Variants in CDH12 observed in about 807,000 individuals in gnomAD.
CDH12 encodes the protein cadherin-12.
Under a neutral mutation model 74.1 loss-of-function variants are expected in CDH12, and 41 were observed. The observed-to-expected ratio is 0.55, with a 90% confidence interval of 0.43 to 0.72. The LOEUF (loss-of-function observed/expected upper bound fraction) is 0.72. Ranked by LOEUF, CDH12 falls within the 30% of genes least tolerant of loss-of-function variation. CDH12 has a pLI of 0.00. For missense variants in CDH12, 945 were observed against 977.2 expected, an observed-to-expected ratio of 0.97 and a Z score of 0.44; for synonymous variants, 399 against 355.0, an observed-to-expected ratio of 1.12 and a Z score of -1.39.
At chr5:22,047,066 C>G (rs1205568796) in intron 5 of CDH12, among the ~76,000 whole-genome samples, 1 of 152,162 alleles carries the variant, frequency 6.6e-6, no homozygotes, top group Non-Finnish European at 1.5e-5. Context: ...CAGTCACAGT[C>G]TACAGAACTT....
chr5:22,356,476 A>G (rs1224992903), intron 3 of CDH12, among the ~76,000 whole-genome samples: 1 of 152,124 alleles, frequency 6.6e-6, no homozygotes, highest in East Asian at 1.9e-4. Flanking sequence ...AATATGCTTA[A>G]TCCTCCTATC....
chr5:21,782,091 T>G (rs1229878706), intron 11 of CDH12, among the ~76,000 whole-genome samples: 1 of 152,186 alleles, frequency 6.6e-6, no homozygotes, highest in Non-Finnish European at 1.5e-5. Context: ...TACAGTGGAC[T>G]GGACTAGAAG....
intron 1 of CDH12, among the ~76,000 whole-genome samples, chr5:22,551,163 A>G (rs1738548774): frequency 2.0e-5 from 3 of 152,178 alleles, no homozygotes; most frequent in South Asian, 4.1e-4. Context: ...GTGTCCTTAT[A>G]AGAAAAGGGA....
intron 1 of CDH12, among the ~76,000 whole-genome samples, chr5:22,680,109 G>A (rs1483382659): frequency 1.3e-5 from 2 of 152,076 alleles, no homozygotes; most frequent in Non-Finnish European, 2.9e-5. Flanking sequence ...CTAGGGGGAA[G>A]GGAGAAGGGG....
At chr5:22,028,662 A>C (rs1349833424) in intron 5 of CDH12, among the ~76,000 whole-genome samples, 1 of 152,184 alleles carries the variant, frequency 6.6e-6, no homozygotes, top group Non-Finnish European at 1.5e-5. Context: ...GGAAGAATCA[A>C]TATCATGAAA....
At chr5:22,370,034 G>C (rs963824906) in intron 3 of CDH12, among the ~76,000 whole-genome samples, 1 of 152,010 alleles carries the variant, frequency 6.6e-6, no homozygotes, top group Non-Finnish European at 1.5e-5. Context: ...TATTGTTCCT[G>C]GATTGATTAA....
At chr5:21,896,093 G>T (rs1274422183) in intron 6 of CDH12, among the ~76,000 whole-genome samples, 4 of 152,162 alleles carry the variant, frequency 2.6e-5, no homozygotes, top group Admixed American at 6.5e-5. Context: ...CATAGCGTAA[G>T]GTTTGAATGC....
chr5:22,346,336 A>G (rs1391652998), intron 3 of CDH12, among the ~76,000 whole-genome samples: 1 of 152,166 alleles, frequency 6.6e-6, no homozygotes, highest in African/African-American at 2.4e-5. Flanking sequence ...CATTATTTAC[A>G]TAACGTATTT....
At chr5:22,647,530 G>A (rs151265002) in intron 1 of CDH12, among the ~76,000 whole-genome samples, 2 of 151,666 alleles carry the variant, frequency 1.3e-5, no homozygotes, top group Admixed American at 6.6e-5. Context: ...TTGCTTATAG[G>A]TGATTTCCTT....
chr5:21,777,639 C>T (rs10060000), intron 11 of CDH12, among the ~76,000 whole-genome samples: 2,168 of 151,888 alleles, frequency 0.014, 44 homozygotes, highest in African/African-American at 0.048. Flanking sequence ...TATAGGCGCC[C>T]GCCACAATAT....
At chr5:22,818,032 G>A (rs1309191729) in intron 1 of CDH12, among the ~76,000 whole-genome samples, 10 of 152,130 alleles carry the variant, frequency 6.6e-5, no homozygotes, top group Non-Finnish European at 1.5e-5. Flanking sequence ...CTTAAAAATA[G>A]AATATAAAAA....
intron 6 of CDH12, among the ~76,000 whole-genome samples, chr5:21,897,521 CAG>C (rs1256566313): frequency 6.6e-6 from 1 of 152,162 alleles, no homozygotes; most frequent in Non-Finnish European, 1.5e-5. Flanking sequence ...CCATATTCTT[CAG>C]AGTTTCTGAG....
intron 6 of CDH12, among the ~76,000 whole-genome samples, chr5:21,904,891 G>C (rs1753565439): frequency 6.6e-6 from 1 of 152,152 alleles, no homozygotes; most frequent in African/African-American, 2.4e-5. Flanking sequence ...TTATACCACT[G>C]CAGGGTGAAA....
chr5:22,424,667 T>A (rs897848743), intron 2 of CDH12, among the ~76,000 whole-genome samples: 1 of 152,226 alleles, frequency 6.6e-6, no homozygotes, highest in East Asian at 1.9e-4. Context: ...CAGTGTTCCT[T>A]ACAAATAATT....
intron 1 of CDH12, among the ~76,000 whole-genome samples, chr5:22,535,379 A>G (rs1029538866): frequency 3.3e-5 from 5 of 151,778 alleles, no homozygotes; most frequent in Admixed American, 1.3e-4. Flanking sequence ...GATGGTCTCG[A>G]TCTCCTGACC....
chr5:22,230,882 A>G (rs1391135950), intron 3 of CDH12, among the ~76,000 whole-genome samples: 1 of 152,150 alleles, frequency 6.6e-6, no homozygotes, highest in Non-Finnish European at 1.5e-5. Context: ...CTAACTTATT[A>G]TGTTTATCAG....
In CDH12 at chr5:22,405,352, C is replaced by A. The variant is rs534813534; in HGVS notation, c.-427-1G>T. ...GATTCTATAGCACTGGACATCAAAG[C>A]TGAAAAATATGTAAAGAAAATGCTT... is the stretch of plus-strand genomic sequence containing the variant. On this transcript the variant is annotated splice_acceptor_variant, in intron 2 of 14. Transcript: ENST00000382254. LOFTEE classifies it low-confidence loss of function (5UTR_SPLICE). The A allele has an allele frequency of 2.2e-6, 2 of 928,846 alleles. No homozygotes were observed. Among genetic ancestry groups the A allele is most frequent in the Non-Finnish European group, 2.6e-6 (2 of 778,474 alleles). 57.5% of individuals were successfully genotyped at this position (928,846 alleles called of 1,614,324 possible).
At chr5:22,089,455 C>G (rs1011572059) in intron 4 of CDH12, among the ~76,000 whole-genome samples, 2 of 151,898 alleles carry the variant, frequency 1.3e-5, no homozygotes, top group Non-Finnish European at 2.9e-5. Context: ...TTGAAAGAAC[C>G]AAATGTAACA....
At chr5:22,457,124 G>A (rs550818804) in intron 2 of CDH12, among the ~76,000 whole-genome samples, 27 of 152,226 alleles carry the variant, frequency 1.8e-4, no homozygotes, top group Middle Eastern at 6.8e-3. Flanking sequence ...AGATAAAGCT[G>A]AGCCATTTTT....
Sources: gnomAD v4.1 joint callset for allele counts (sites outside exome capture counted in the v4.1 genomes callset) on GRCh38, gnomAD v4.1.1 for gene constraint, MANE v1.5 for transcripts, NCBI Gene and HGNC (gene_info 2026-07-23, HGNC 2026-07-21) for gene names.